RYR3: variants seen among roughly 807,000 people sequenced by gnomAD.
RYR3 encodes brain ryanodine receptor-calcium release channel.
RYR3 carries 207 observed loss-of-function variants against 584.3 expected under a neutral mutation model. The ratio of observed to expected loss-of-function variants is 0.35; its 90% CI spans 0.32 to 0.40. RYR3 has a LOEUF of 0.40. Ranked by LOEUF, RYR3 falls within the 10% of genes least tolerant of loss-of-function variation. The pLI, the probability that RYR3 is intolerant of heterozygous loss-of-function variation, is 1.00. For missense variants in RYR3, 5,616 were observed against 6,089.2 expected, an observed-to-expected ratio of 0.92 and a Z score of 2.59; for synonymous variants, 2,416 against 2,248.5, an observed-to-expected ratio of 1.07 and a Z score of -2.11.
intron 18 of RYR3, among the ~76,000 whole-genome samples, chr15:33,605,174 G>T (rs768255656): frequency 1.3e-5 from 2 of 152,186 alleles, no homozygotes; most frequent in Non-Finnish European, 2.9e-5. Context: ...TTACAGCACT[G>T]CATGGGGCAC....
chr15:33,520,214 C>G (rs959199723), intron 3 of RYR3, among the ~76,000 whole-genome samples: 1 of 152,160 alleles, frequency 6.6e-6, no homozygotes, highest in African/African-American at 2.4e-5. Flanking sequence ...TGATAAAAAA[C>G]TTACTCCTAT....
rs2063300558 is a variant in RYR3 at position 33,663,667 on chromosome 15, A to G, written c.5549A>G (p.Gln1850Arg). ...NQKFRYNELM[Q>R]ALNMSAALTA... The stretch of plus-strand genomic sequence containing the variant: ...AAGTTCCGCTACAATGAGCTCATGC[A>G]GGCCCTGAACATGTCTGCGGCCCTG... Residue 1850 changes from glutamine to arginine, a missense_variant, in exon 36 of 104, where the codon CAG (glutamine) becomes CGG (arginine). Coordinates refer to ENST00000634891, the MANE Select transcript of RYR3 (RefSeq NM_001036.6). The G allele has an allele frequency of 1.2e-6, 2 of 1,612,744 alleles. No homozygotes were observed. The highest frequency in any genetic ancestry group is 3.3e-5 in the Admixed American group (2 of 59,930).
chr15:33,319,921 A>T (rs1012960872), intron 1 of RYR3, among the ~76,000 whole-genome samples: 1 of 152,196 alleles, frequency 6.6e-6, no homozygotes, highest in Non-Finnish European at 1.5e-5. Flanking sequence ...AGGTACCTAC[A>T]GATTGGAAAG....
At chr15:33,671,293 T>G (rs977616378) in intron 38 of RYR3, among the ~76,000 whole-genome samples, 2 of 152,232 alleles carry the variant, frequency 1.3e-5, no homozygotes, top group Non-Finnish European at 2.9e-5. Flanking sequence ...ATTTATCATT[T>G]GTTTAAAGAA....
chr15:33,775,488 C>A (rs1212075459), intron 64 of RYR3, among the ~76,000 whole-genome samples: 1 of 152,176 alleles, frequency 6.6e-6, no homozygotes, highest in Non-Finnish European at 1.5e-5. Flanking sequence ...AACGCTCAGC[C>A]TCTCATGTTC....
At chr15:33,823,891 G>A (rs1350548350) in intron 81 of RYR3, among the ~76,000 whole-genome samples, 3 of 152,060 alleles carry the variant, frequency 2.0e-5, no homozygotes, top group Admixed American at 6.6e-5. Context: ...GTGGAGGATG[G>A]TCATCCTTTC....
Position 33,649,097 on chromosome 15 carries a change from T to C in RYR3, c.4004T>C (p.Phe1335Ser), listed in dbSNP as rs1004256208. ...TTQCYYAIRI[F>S]AGQDPSCVWV... ...CAGTGCTACTACGCCATCCGCATCT[T>C]TGCTGGACAGGATCCATCCTGTGTC... Residue 1335 changes from phenylalanine (F) to serine (S), a missense_variant, in exon 31 of 104, where the codon TTT (phenylalanine) becomes TCT (serine). Physicochemically the swap from Phe to Ser is radical, Grantham distance 155. Transcript: ENST00000634891. 6.2e-7 allele frequency: 1 copy of C among 1,613,486 alleles called. No individual in the cohort carries two copies. Among genetic ancestry groups the C allele is most frequent in the African/African-American group, 1.3e-5 (1 of 74,898 alleles).
intron 1 of RYR3, among the ~76,000 whole-genome samples, chr15:33,380,796 G>A (rs571740859): frequency 6.6e-6 from 1 of 152,294 alleles, no homozygotes; most frequent in South Asian, 2.1e-4. Context: ...AGCCTTACAC[G>A]GAGACCCAGA....
At position 33,425,874 on chromosome 15, in the gene RYR3, C is replaced by T. The variant is rs987332951; in HGVS notation, c.52-47545C>T. Among the ~76,000 whole-genome samples the T allele has an allele frequency of 5.9e-5, 9 of 152,200 alleles. No homozygotes were observed. The South Asian group carries it at 1.7e-3, about 28-fold the overall frequency. On this transcript the variant is annotated intron_variant, in intron 1 of 103. Coordinates refer to ENST00000634891, the MANE Select transcript of RYR3 (RefSeq NM_001036.6). ...AGCCAGGATGGTCTCAATCTCCTGA[C>T]CTCGTGATCCGCCCGCCTTGGCCTC... is the stretch of plus-strand genomic sequence containing the variant.
rs528108563 is a variant in RYR3 at position 33,724,310 on chromosome 15, TTC to T, written c.6912+135_6912+136del. 35 of 612,488 alleles carry T rather than the reference TTC, an allele frequency of 5.7e-5. No homozygotes were observed. In the South Asian group the frequency reaches 6.7e-4, roughly 12 times the overall value. The allele number at this position is 612,488 out of a possible 1,614,324, so 37.9% of individuals were successfully genotyped here. ...TTTTTCTAGGTCCCTTTTAGCTAGT[TTC>T]AAAAGTAGTTTCCACCTCTGATACG... On this transcript the variant is annotated intron_variant, in intron 45 of 103. Coordinates refer to ENST00000634891, the MANE Select transcript of RYR3 (RefSeq NM_001036.6).
intron 1 of RYR3, among the ~76,000 whole-genome samples, chr15:33,410,997 G>A (rs2043366980): frequency 6.6e-6 from 1 of 152,132 alleles, no homozygotes; most frequent in Non-Finnish European, 1.5e-5. Context: ...AGAACAGTAT[G>A]GGGGAAACTG....
chr15:33,400,734 C>A (rs926732817), intron 1 of RYR3, among the ~76,000 whole-genome samples: 1 of 152,176 alleles, frequency 6.6e-6, no homozygotes, highest in Non-Finnish European at 1.5e-5. Context: ...GAGTTGGCTT[C>A]CAGTGGGGAG....
intron 44 of RYR3, 81 bp from the exon 45 acceptor site, chr15:33,723,984 T>C (rs1419885617): frequency 1.4e-6 from 1 of 717,574 alleles, no homozygotes; most frequent in Admixed American, 2.3e-5. Flanking sequence ...GCAGAGTGCT[T>C]CCATATCAAG....
chr15:33,718,925 G>A (rs933372697), intron 43 of RYR3, among the ~76,000 whole-genome samples: 1 of 152,132 alleles, frequency 6.6e-6, no homozygotes, highest in South Asian at 2.1e-4. Flanking sequence ...AAGCCCTTGG[G>A]CAAAACTAGT....
At chr15:33,404,412 C>G (rs1161814559) in intron 1 of RYR3, among the ~76,000 whole-genome samples, 2 of 152,178 alleles carry the variant, frequency 1.3e-5, no homozygotes, top group East Asian at 1.9e-4. Context: ...GTGGCTGTGA[C>G]CGTGAGACCA....
At chr15:33,398,482 C>T (rs2042431399) in intron 1 of RYR3, among the ~76,000 whole-genome samples, 1 of 152,174 alleles carries the variant, frequency 6.6e-6, no homozygotes, top group African/African-American at 2.4e-5. Context: ...ATGATTAGGT[C>T]ACAGTGAATT....
chr15:33,460,782 T>C (rs79653702), intron 1 of RYR3, among the ~76,000 whole-genome samples: 2 of 152,028 alleles, frequency 1.3e-5, no homozygotes, highest in Admixed American at 6.6e-5. Flanking sequence ...TTATGAACTA[T>C]GAAGTACTCA....
Position 33,635,515 on chromosome 15 carries a change from T to G in RYR3, c.3176-99T>G, listed in dbSNP as rs2061456199. 3.5e-6 allele frequency: 3 copies of G among 854,446 alleles called. No homozygotes were observed. In the East Asian group the frequency reaches 7.9e-5, roughly 23 times the overall value. 52.9% of individuals were successfully genotyped at this position (854,446 alleles called of 1,614,324 possible). ...GTCGACCTATGGTCAGTCTTAGATG[T>G]TCTCATCAAATTCTTTTGAGTAGTG... On this transcript the variant is annotated intron_variant, in intron 25 of 103. Coordinates refer to ENST00000634891, the MANE Select transcript of RYR3 (RefSeq NM_001036.6).
chr15:33,492,173 G>A (rs1417352062), intron 2 of RYR3, among the ~76,000 whole-genome samples: 3 of 152,096 alleles, frequency 2.0e-5, no homozygotes, highest in East Asian at 1.9e-4. Context: ...TGAGTGTTAC[G>A]TGCTTTCTTG....
Sources: gnomAD v4.1 joint callset for allele counts (sites outside exome capture counted in the v4.1 genomes callset) on GRCh38, gnomAD v4.1.1 for gene constraint, MANE v1.5 for transcripts, NCBI Gene and HGNC (gene_info 2026-07-23, HGNC 2026-07-21) for gene names.